Variants in DCC observed in about 807,000 individuals in gnomAD.
DCC encodes netrin receptor DCC.
In DCC, 58 loss-of-function variants were observed where a neutral mutation model predicts 172.5. The ratio of observed to expected loss-of-function variants is 0.34; its 90% CI spans 0.27 to 0.42. The LOEUF (loss-of-function observed/expected upper bound fraction) is 0.42, where lower values mean the gene tolerates loss of function less well. Among genes scored for constraint, DCC ranks in the 10% least tolerant of loss-of-function variants. DCC has a pLI of 1.00. For synonymous variants in DCC, 709 were observed against 644.5 expected (o/e 1.10, Z -1.52); for missense variants, 1,740 against 1,791.0 (o/e 0.97, Z 0.51).
intron 9 of DCC, among the ~76,000 whole-genome samples, chr18:53,190,948 A>G (rs568188779): frequency 3.0e-4 from 45 of 152,118 alleles, no homozygotes; most frequent in African/African-American, 1.0e-3. Flanking sequence ...CCGTCTTAAG[A>G]AACAAACAAA....
intron 5 of DCC, among the ~76,000 whole-genome samples, chr18:53,049,831 C>A (rs7506807): frequency 6.6e-6 from 1 of 151,786 alleles, no homozygotes; most frequent in African/African-American, 2.4e-5. Context: ...ATAGGTCAGA[C>A]GTATATATGA....
intron 12 of DCC, among the ~76,000 whole-genome samples, chr18:53,297,838 A>G (rs1010859998): frequency 2.3e-4 from 35 of 152,226 alleles, no homozygotes; most frequent in Admixed American, 2.0e-3. Context: ...AAGAAGAAAG[A>G]ATCTTTGTAA....
chr18:52,851,525 T>C (rs1002512390), intron 2 of DCC, among the ~76,000 whole-genome samples: 1 of 152,094 alleles, frequency 6.6e-6, no homozygotes, highest in Non-Finnish European at 1.5e-5. Context: ...TGGTTAAAAA[T>C]CTAGTCAAAA....
At chr18:53,448,789 G>A in intron 22 of DCC, among the ~76,000 whole-genome samples, 1 of 152,130 alleles carries the variant, frequency 6.6e-6, no homozygotes, top group East Asian at 1.9e-4. Flanking sequence ...GAAGGCAGAG[G>A]TTGTCGTGAG....
intron 2 of DCC, among the ~76,000 whole-genome samples, chr18:52,770,951 C>T (rs2037331616): frequency 6.6e-6 from 1 of 152,234 alleles, no homozygotes. Flanking sequence ...TGGTTCCTCA[C>T]ATGCTGAGGA....
intron 1 of DCC, among the ~76,000 whole-genome samples, chr18:52,476,855 G>A (rs1297405322): frequency 6.6e-6 from 1 of 152,210 alleles, no homozygotes; most frequent in Non-Finnish European, 1.5e-5. Context: ...TCACTTATGA[G>A]TGCTTTGGTA....
intron 23 of DCC, among the ~76,000 whole-genome samples, chr18:53,451,458 G>A (rs866146236): frequency 2.5e-4 from 38 of 152,110 alleles, no homozygotes; most frequent in South Asian, 8.3e-4. Flanking sequence ...TGACTTTCTA[G>A]TCCTTTTAAA....
intron 1 of DCC, among the ~76,000 whole-genome samples, chr18:52,662,641 G>A (rs1409389153): frequency 6.7e-6 from 1 of 149,882 alleles, no homozygotes; most frequent in Non-Finnish European, 1.5e-5. Flanking sequence ...GAAGCGAAAA[G>A]AAGAAAACAA....
intron 7 of DCC, among the ~76,000 whole-genome samples, chr18:53,137,042 A>C (rs1394409180): frequency 3.3e-5 from 5 of 152,238 alleles, no homozygotes; most frequent in Non-Finnish European, 7.3e-5. Flanking sequence ...AGAGGAGAGC[A>C]ATAACTAACC....
intron 1 of DCC, among the ~76,000 whole-genome samples, chr18:52,520,513 G>A (rs2031778803): frequency 6.6e-6 from 1 of 152,142 alleles, no homozygotes; most frequent in South Asian, 2.1e-4. Context: ...TCCCGGAGAT[G>A]TCCAAGATTG....
intron 1 of DCC, among the ~76,000 whole-genome samples, chr18:52,592,610 T>C: frequency 6.6e-6 from 1 of 152,222 alleles, no homozygotes; most frequent in East Asian, 1.9e-4. Context: ...TTGGGTTTTC[T>C]GGTAGAAATA....
intron 1 of DCC, among the ~76,000 whole-genome samples, chr18:52,729,570 T>G (rs1409861147): frequency 6.6e-6 from 1 of 152,246 alleles, no homozygotes; most frequent in Non-Finnish European, 1.5e-5. Context: ...ATTTGTCTTC[T>G]CTTTCAATGC....
intron 12 of DCC, among the ~76,000 whole-genome samples, chr18:53,257,156 A>T (rs1242304396): frequency 6.6e-6 from 1 of 152,194 alleles, no homozygotes; most frequent in African/African-American, 2.4e-5. Context: ...TGTCATCTGC[A>T]AACAGGGACA....
At chr18:52,979,082 G>A (rs1379276363) in intron 5 of DCC, among the ~76,000 whole-genome samples, 3 of 152,136 alleles carry the variant, frequency 2.0e-5, no homozygotes, top group African/African-American at 7.2e-5. Context: ...TATCTCATGT[G>A]TGAAGGAAGG....
At chr18:52,918,678 C>A (rs192229687) in intron 3 of DCC, among the ~76,000 whole-genome samples, 1 of 152,170 alleles carries the variant, frequency 6.6e-6, no homozygotes, top group East Asian at 1.9e-4. Context: ...CATCTTTATC[C>A]TCCTCATTTA....
intron 1 of DCC, among the ~76,000 whole-genome samples, chr18:52,652,045 A>G (rs921664903): frequency 1.3e-5 from 2 of 152,372 alleles, no homozygotes; most frequent in Admixed American, 6.5e-5. Context: ...CCATTGACTC[A>G]AGGAAAGAGA....
chr18:52,392,053 A>G (rs189209771), intron 1 of DCC, among the ~76,000 whole-genome samples: 6 of 152,286 alleles, frequency 3.9e-5, no homozygotes. Context: ...CTGCGTTATG[A>G]GGCGCACAGA....
intron 5 of DCC, among the ~76,000 whole-genome samples, chr18:53,059,690 T>C (rs994745824): frequency 2.0e-5 from 3 of 152,206 alleles, no homozygotes; most frequent in African/African-American, 7.2e-5. Flanking sequence ...TTTTTTCTTA[T>C]CATTAATTGA....
intron 1 of DCC, among the ~76,000 whole-genome samples, chr18:52,396,519 G>GT (rs1489287074): frequency 6.6e-6 from 1 of 151,988 alleles, no homozygotes; most frequent in Admixed American, 6.6e-5. Context: ...GTTCCTGAAA[G>GT]TCGCCCTGTG....
Sources: allele counts gnomAD v4.1 joint callset (sites outside exome capture counted in the v4.1 genomes callset), GRCh38; gene constraint gnomAD v4.1.1; transcripts MANE v1.5; gene names NCBI Gene and HGNC (gene_info 2026-07-23, HGNC 2026-07-21).